The following FARP1 variants were observed in gnomAD, a reference collection of about 807,000 sequenced individuals.
FARP1 encodes the protein FERM, ARH/RhoGEF and pleckstrin domain protein 1, also known as FERM, ARHGEF and pleckstrin domain-containing protein 1.
Under a neutral mutation model 128.8 loss-of-function variants are expected in FARP1, and 52 were observed. That is an observed-to-expected ratio of 0.40 (90% CI 0.32 to 0.51). FARP1 has a LOEUF of 0.51. Among genes scored for constraint, FARP1 ranks in the 20% least tolerant of loss-of-function variants. FARP1 has a pLI of 0.45. For synonymous variants in FARP1, 580 were observed against 551.8 expected, an observed-to-expected ratio of 1.05 and a Z score of -0.72; for missense variants, 1,333 against 1,367.9, an observed-to-expected ratio of 0.97 and a Z score of 0.40.
At chr13:98,256,949 A>ATATACATATATATATATATATATG (rs1883629389) in intron 2 of FARP1, among the ~76,000 whole-genome samples, 1 of 21,688 alleles carries the variant, frequency 4.6e-5, no homozygotes, top group Non-Finnish European at 7.2e-5. Context: ...ATATATGTGG[A>ATATACATATATATATATATATATG]TATATATATA....
intron 2 of FARP1, among the ~76,000 whole-genome samples, chr13:98,269,257 A>G (rs1053935059): frequency 1.1e-4 from 16 of 152,162 alleles, no homozygotes; most frequent in East Asian, 3.8e-4. Flanking sequence ...TTTCTAGGTG[A>G]ATGTCATGAG....
In FARP1 at chr13:98,452,253, C is replaced by T. The variant is rs549801288; in HGVS notation, c.*3936C>T. On this transcript the variant is annotated 3_prime_UTR_variant, in exon 27 of 27. Coordinates refer to ENST00000319562, the MANE Select transcript of FARP1 (RefSeq NM_005766.4). Reference sequence around the variant, plus strand: ...TCCACTACAAGGTGCAACAGAAAATCGTATTGGAAAGGACGGTACATCTGG... The same window carrying T: ...TCCACTACAAGGTGCAACAGAAAATTGTATTGGAAAGGACGGTACATCTGG... 17 of 152,372 alleles carry T rather than the reference C, an allele frequency of 1.1e-4. No homozygotes were observed. Among genetic ancestry groups the T allele is most frequent in the African/African-American group, 3.8e-4 (16 of 41,562 alleles). 9.4% of individuals were successfully genotyped at this position (152,372 alleles called of 1,614,324 possible).
intron 2 of FARP1, among the ~76,000 whole-genome samples, chr13:98,310,668 T>C (rs1451436639): frequency 5.3e-5 from 8 of 152,122 alleles, no homozygotes; most frequent in Non-Finnish European, 1.2e-4. Context: ...TTGAAGGTGT[T>C]GTGTGACTGG....
intron 2 of FARP1, among the ~76,000 whole-genome samples, chr13:98,222,645 C>T (rs998303642): frequency 3.3e-5 from 5 of 151,094 alleles, no homozygotes; most frequent in African/African-American, 9.7e-5. Context: ...TTTTTTGAGA[C>T]GGAGTCTTGC....
intron 1 of FARP1, among the ~76,000 whole-genome samples, chr13:98,190,752 G>A (rs1879174204): frequency 8.2e-6 from 1 of 121,362 alleles, no homozygotes; most frequent in South Asian, 2.5e-4. Flanking sequence ...TTTTTTTTTG[G>A]AGAGACAGGG....
At chr13:98,431,017 A>G (rs777719440) in intron 17 of FARP1, 26 bp from the exon 18 acceptor site, 1 of 1,521,024 alleles carries the variant, frequency 6.6e-7, no homozygotes, top group East Asian at 2.3e-5. Flanking sequence ...GCTGAACAGG[A>G]CCCTCCTCCT....
intron 2 of FARP1, among the ~76,000 whole-genome samples, chr13:98,294,611 A>C (rs542789602): frequency 6.6e-6 from 1 of 152,208 alleles, no homozygotes; most frequent in African/African-American, 2.4e-5. Flanking sequence ...CATAAAGGTA[A>C]ATTTACAGTA....
intron 2 of FARP1, among the ~76,000 whole-genome samples, chr13:98,255,326 C>T (rs1367820501): frequency 6.6e-6 from 1 of 152,004 alleles, no homozygotes; most frequent in African/African-American, 2.4e-5. Flanking sequence ...GGTGAAACCC[C>T]GTCTCTACTA....
intron 2 of FARP1, among the ~76,000 whole-genome samples, chr13:98,224,783 A>T (rs974240615): frequency 3.9e-5 from 6 of 152,042 alleles, no homozygotes; most frequent in Admixed American, 3.9e-4. Flanking sequence ...GTTGGAGGCG[A>T]CCATGACTTC....
At chr13:98,326,763 G>A (rs1204843656) in intron 2 of FARP1, among the ~76,000 whole-genome samples, 1 of 152,190 alleles carries the variant, frequency 6.6e-6, no homozygotes, top group East Asian at 1.9e-4. Flanking sequence ...GATGGTGAAG[G>A]CAGATCTAAG....
chr13:98,314,373 G>A (rs1156890581), intron 2 of FARP1, among the ~76,000 whole-genome samples: 1 of 148,146 alleles, frequency 6.8e-6, no homozygotes, highest in Non-Finnish European at 1.5e-5. Context: ...TCCGTCTCCC[G>A]GGTTCAAGCG....
At chr13:98,401,530 C>T (rs1890770925) in intron 13 of FARP1, 1 of 149,776 alleles carries the variant, frequency 6.7e-6, no homozygotes, top group Admixed American at 6.8e-5. Flanking sequence ...AAAAGGGCAA[C>T]TTTGTCATTT....
intron 2 of FARP1, among the ~76,000 whole-genome samples, chr13:98,250,133 A>C (rs1383674175): frequency 6.6e-6 from 1 of 152,246 alleles, no homozygotes; most frequent in African/African-American, 2.4e-5. Flanking sequence ...GGGGTGGCCC[A>C]GTGACTTAAT....
intron 2 of FARP1, among the ~76,000 whole-genome samples, chr13:98,243,644 C>T (rs1882903008): frequency 6.7e-6 from 1 of 148,274 alleles, no homozygotes; most frequent in African/African-American, 2.5e-5. Context: ...TTGCAGTGAG[C>T]CTAGATCGTG....
chr13:98,303,091 C>T (rs540825573), intron 2 of FARP1, among the ~76,000 whole-genome samples: 2 of 152,252 alleles, frequency 1.3e-5, no homozygotes, highest in African/African-American at 4.8e-5. Flanking sequence ...TCAACATGCA[C>T]GAACCTCCAG....
intron 2 of FARP1, among the ~76,000 whole-genome samples, chr13:98,237,684 G>A (rs1882506182): frequency 6.6e-6 from 1 of 152,186 alleles, no homozygotes; most frequent in Non-Finnish European, 1.5e-5. Flanking sequence ...TGGCACCATT[G>A]ATTCTGGAAG....
rs542746231 is a variant in FARP1 at position 98,452,962 on chromosome 13, G to A, written c.*4645G>A. ...AAATAAAATAAAATGATCGCTGGAAGGAGCTGACCCTCCCCACCCATCTGA... is the reference window on the plus strand; with the variant it reads ...AAATAAAATAAAATGATCGCTGGAAAGAGCTGACCCTCCCCACCCATCTGA... On this transcript the variant is annotated 3_prime_UTR_variant, in exon 27 of 27. Coordinates refer to ENST00000319562, the MANE Select transcript of FARP1 (RefSeq NM_005766.4). 9.4e-5 allele frequency: 43 copies of A among 455,826 alleles called. 1 individual carries two copies. The South Asian group carries it at 2.0e-3, about 22-fold the overall frequency. The allele number at this position is 455,826 out of a possible 1,614,324, so 28.2% of individuals were successfully genotyped here. A position where few individuals can be genotyped will look rare whatever the true frequency, so the allele number is the denominator to read the frequency against.
intron 2 of FARP1, among the ~76,000 whole-genome samples, chr13:98,334,512 A>G (rs1887657107): frequency 6.6e-6 from 1 of 152,146 alleles, no homozygotes; most frequent in African/African-American, 2.4e-5. Flanking sequence ...TAGGTACTTT[A>G]TGGTCATGGT....
chr13:98,253,420 C>A (rs1390703530), intron 2 of FARP1, among the ~76,000 whole-genome samples: 1 of 152,208 alleles, frequency 6.6e-6, no homozygotes, highest in Non-Finnish European at 1.5e-5. Context: ...ATATCCCAAT[C>A]TGGCTTATCA....
Sources: allele counts gnomAD v4.1 joint callset (sites outside exome capture counted in the v4.1 genomes callset), GRCh38; gene constraint gnomAD v4.1.1; transcripts MANE v1.5; gene names NCBI Gene and HGNC (gene_info 2026-07-23, HGNC 2026-07-21).